KCND2: variants seen among roughly 807,000 people sequenced by gnomAD.
KCND2 encodes potassium voltage-gated channel subfamily D member 2, also known as A-type voltage-gated potassium channel KCND2.
Under a neutral mutation model 54.4 loss-of-function variants are expected in KCND2, and 16 were observed. The ratio of observed to expected loss-of-function variants is 0.29; its 90% confidence interval spans 0.20 to 0.45. The LOEUF (loss-of-function observed/expected upper bound fraction) is 0.45, where lower values mean the gene tolerates loss of function less well. KCND2 is among the 20% of genes least tolerant of loss of function. KCND2 has a pLI of 1.00. For synonymous variants in KCND2, 317 were observed against 310.7 expected, an observed-to-expected ratio of 1.02 and a Z score of -0.21; for missense variants, 486 against 824.2, an observed-to-expected ratio of 0.59 and a Z score of 5.02.
At chr7:120,669,365 A>AT (rs1791963896) in intron 1 of KCND2, among the ~76,000 whole-genome samples, 1 of 152,018 alleles carries the variant, frequency 6.6e-6, no homozygotes, top group African/African-American at 2.4e-5. Context: ...TAACCCTGTG[A>AT]TTTTTTTAAC....
chr7:120,713,672 A>G (rs1163379805), intron 1 of KCND2, among the ~76,000 whole-genome samples: 3 of 152,156 alleles, frequency 2.0e-5, no homozygotes, highest in Non-Finnish European at 2.9e-5. Flanking sequence ...CCGCCACTCA[A>G]ATGATCCTGT....
intron 1 of KCND2, among the ~76,000 whole-genome samples, chr7:120,345,339 A>C (rs1800300185): frequency 6.6e-6 from 1 of 152,194 alleles, no homozygotes; most frequent in Admixed American, 6.5e-5. Flanking sequence ...TCACATAACT[A>C]GTACGATTAA....
intron 1 of KCND2, among the ~76,000 whole-genome samples, chr7:120,394,029 T>C (rs1801115597): frequency 6.6e-6 from 1 of 152,064 alleles, no homozygotes; most frequent in Non-Finnish European, 1.5e-5. Context: ...CCATAATGAA[T>C]TTATGTTAAA....
chr7:120,677,891 G>C (rs1296907965), intron 1 of KCND2, among the ~76,000 whole-genome samples: 2 of 151,958 alleles, frequency 1.3e-5, no homozygotes, highest in Non-Finnish European at 2.9e-5. Flanking sequence ...CTTATTTCTA[G>C]GTCAGTAAGA....
intron 1 of KCND2, among the ~76,000 whole-genome samples, chr7:120,525,550 G>A (rs1338653435): frequency 6.6e-6 from 1 of 152,102 alleles, no homozygotes; most frequent in African/African-American, 2.4e-5. Context: ...TAAGTAGCTG[G>A]CAGGAAATCC....
At chr7:120,420,501 T>G (rs1801596269) in intron 1 of KCND2, among the ~76,000 whole-genome samples, 1 of 152,162 alleles carries the variant, frequency 6.6e-6, no homozygotes, top group Admixed American at 6.5e-5. Context: ...GTTTTCTGGG[T>G]ACTGTAGAAG....
chr7:120,493,893 GTAAA>G (rs370336634), intron 1 of KCND2, among the ~76,000 whole-genome samples: 302 of 152,092 alleles, frequency 2.0e-3, no homozygotes, highest in Middle Eastern at 0.01. Context: ...TATGTAATTG[GTAAA>G]TAAATCACAA....
At chr7:120,640,036 A>C (rs971932290) in intron 1 of KCND2, among the ~76,000 whole-genome samples, 11 of 152,134 alleles carry the variant, frequency 7.2e-5, no homozygotes, top group Admixed American at 3.9e-4. Context: ...AGATATTTTA[A>C]ATGTATCTTT....
intron 1 of KCND2, among the ~76,000 whole-genome samples, chr7:120,455,154 T>A (rs560675706): frequency 6.6e-6 from 1 of 152,116 alleles, no homozygotes; most frequent in South Asian, 2.1e-4. Flanking sequence ...AAACTGTCAA[T>A]TACATTCTTC....
chr7:120,642,640 GT>G (rs1294703382), intron 1 of KCND2, among the ~76,000 whole-genome samples: 2 of 151,044 alleles, frequency 1.3e-5, no homozygotes, highest in Non-Finnish European at 3.0e-5. Flanking sequence ...AGTTTAAAGG[GT>G]TTTTTTTCCT....
At chr7:120,284,405 G>T (rs1427444001) in intron 1 of KCND2, among the ~76,000 whole-genome samples, 2 of 152,086 alleles carry the variant, frequency 1.3e-5, no homozygotes, top group African/African-American at 4.8e-5. Context: ...TTGGAAAAAT[G>T]AAATTCTTCT....
At chr7:120,554,504 G>A (rs1253436768) in intron 1 of KCND2, among the ~76,000 whole-genome samples, 1 of 152,018 alleles carries the variant, frequency 6.6e-6, no homozygotes, top group Non-Finnish European at 1.5e-5. Context: ...CGCCTCCCGG[G>A]TTCATGCCAT....
At chr7:120,319,357 A>G (rs1284577399) in intron 1 of KCND2, among the ~76,000 whole-genome samples, 1 of 152,142 alleles carries the variant, frequency 6.6e-6, no homozygotes, top group African/African-American at 2.4e-5. Flanking sequence ...ACAAATATCA[A>G]GTAAAAAATG....
At chr7:120,598,871 C>T (rs1191367022) in intron 1 of KCND2, among the ~76,000 whole-genome samples, 1 of 152,078 alleles carries the variant, frequency 6.6e-6, no homozygotes, top group African/African-American at 2.4e-5. Flanking sequence ...GTTAATTGAT[C>T]ATGAATTTAC....
At chr7:120,704,155 A>G (rs1468858170) in intron 1 of KCND2, among the ~76,000 whole-genome samples, 1 of 152,234 alleles carries the variant, frequency 6.6e-6, no homozygotes, top group Admixed American at 6.5e-5. Flanking sequence ...GCAAAAGTCC[A>G]GATAAAGACT....
intron 1 of KCND2, among the ~76,000 whole-genome samples, chr7:120,475,789 A>C (rs1802525650): frequency 6.6e-6 from 1 of 152,320 alleles, no homozygotes; most frequent in African/African-American, 2.4e-5. Context: ...GTGGCAATAT[A>C]ATTCTGAATA....
At chr7:120,686,880 C>T (rs565496726) in intron 1 of KCND2, among the ~76,000 whole-genome samples, 7 of 152,222 alleles carry the variant, frequency 4.6e-5, no homozygotes, top group South Asian at 4.1e-4. Context: ...ATCAGGAAAC[C>T]GCTGATCACT....
chr7:120,398,903 C>T (rs1158216444), intron 1 of KCND2, among the ~76,000 whole-genome samples: 4 of 151,988 alleles, frequency 2.6e-5, no homozygotes, highest in Admixed American at 6.6e-5. Flanking sequence ...GAGGCCATGT[C>T]TTAGACGTGG....
At position 120,682,751 on chromosome 7, in the gene KCND2, G is replaced by A. The variant is rs149105488; in HGVS notation, c.1116-50152G>A. 8.8e-3 allele frequency among the ~76,000 whole-genome samples: 1,333 copies of A among 152,208 alleles called. 54 individuals carry two copies. Among genetic ancestry groups the A allele is most frequent in the Non-Finnish European group, 3.5e-3 (240 of 67,986 alleles). On this transcript the variant is annotated intron_variant, in intron 1 of 5. Transcript: ENST00000331113. ...TTAGCTATATGTAACACAATAGCCG[G>A]TTAAAAGTATTTTAAGAAACAGTTG...
Sources: allele counts gnomAD v4.1 joint callset (sites outside exome capture counted in the v4.1 genomes callset), GRCh38; gene constraint gnomAD v4.1.1; transcripts MANE v1.5; gene names NCBI Gene and HGNC (gene_info 2026-07-23, HGNC 2026-07-21).